LRBA: variants seen among roughly 807,000 people sequenced by gnomAD.
LRBA encodes LPS responsive beige-like anchor protein.
In LRBA, 176 loss-of-function variants were observed where a neutral mutation model predicts 330.0. The observed-to-expected ratio is 0.53, with a 90% CI of 0.47 to 0.60. The LOEUF (loss-of-function observed/expected upper bound fraction) is 0.60. Among genes scored for constraint, LRBA ranks in the 20% least tolerant of loss-of-function variants. The probability of loss-of-function intolerance (pLI) is 0.00; values close to 1 mark genes in which losing one functional copy is unlikely to be tolerated. For missense variants in LRBA, 3,259 were observed against 3,444.8 expected, an observed-to-expected ratio of 0.95 and a Z score of 1.35; for synonymous variants, 1,230 against 1,193.0, an observed-to-expected ratio of 1.03 and a Z score of -0.64.
intron 48 of LRBA, among the ~76,000 whole-genome samples, chr4:150,342,645 T>C (rs1257306420): frequency 6.6e-6 from 1 of 152,166 alleles, no homozygotes; most frequent in Non-Finnish European, 1.5e-5. Flanking sequence ...TAGTGCTCTT[T>C]TTATAGAGAG....
At chr4:150,976,515 T>C (rs933818105) in intron 2 of LRBA, among the ~76,000 whole-genome samples, 3 of 152,226 alleles carry the variant, frequency 2.0e-5, no homozygotes, top group Non-Finnish European at 4.4e-5. Context: ...ACTAATCTGT[T>C]ATTTAATCTA....
chr4:150,662,172 A>G (rs1460468154), intron 37 of LRBA, among the ~76,000 whole-genome samples: 1 of 152,232 alleles, frequency 6.6e-6, no homozygotes, highest in East Asian at 1.9e-4. Flanking sequence ...CTTTTCACAG[A>G]GGCTAATATT....
rs1375833613 is a variant in LRBA, at chr4:150,462,544, GAAGA to G, written c.6780+5125_6780+5128del. 2.0e-5 allele frequency among the ~76,000 whole-genome samples: 3 copies of G among 151,598 alleles called. No homozygotes were observed. In the East Asian group the frequency reaches 5.8e-4, roughly 29 times the overall value. On this transcript the variant is annotated intron_variant, in intron 44 of 56. Coordinates refer to ENST00000651943, the MANE Select transcript of LRBA (RefSeq NM_001364905.1). Reference sequence around the variant, plus strand: ...AAAAGAAGATCAGAAAAATAATACAGAAGAAAGGATGCTGATTACATTAATTCAG... The same window carrying G: ...AAAAGAAGATCAGAAAAATAATACAGAAGGATGCTGATTACATTAATTCAG...
At chr4:150,900,307 C>T (rs1730584333) in intron 13 of LRBA, 90 bp from the exon 14 acceptor site, 5 of 878,018 alleles carry the variant, frequency 5.7e-6, no homozygotes, top group Non-Finnish European at 8.7e-6. Flanking sequence ...TTTCACCACG[C>T]TTCTTCCAAA....
chr4:150,667,296 T>C (rs1781650478), intron 37 of LRBA, among the ~76,000 whole-genome samples: 1 of 152,154 alleles, frequency 6.6e-6, no homozygotes, highest in Non-Finnish European at 1.5e-5. Context: ...TTAACTTCGT[T>C]GGGCATGTAA....
intron 37 of LRBA, among the ~76,000 whole-genome samples, chr4:150,677,715 G>C (rs1261178342): frequency 4.0e-5 from 6 of 151,550 alleles, no homozygotes; most frequent in Non-Finnish European, 8.8e-5. Flanking sequence ...GAAGTGGGAG[G>C]ATTACTTGAG....
intron 37 of LRBA, among the ~76,000 whole-genome samples, chr4:150,622,489 A>G (rs1382137911): frequency 6.6e-6 from 1 of 152,158 alleles, no homozygotes; most frequent in Non-Finnish European, 1.5e-5. Context: ...GTGAGCTACA[A>G]TTGTGCCACT....
chr4:150,906,317 T>G lies in LRBA; in HGVS notation c.1582A>C (p.Ile528Leu). The change falls in exon 12 of 57, where the codon ATA becomes CTA. Residue 528 changes from isoleucine (I) to leucine (L), a missense_variant. Transcript: ENST00000651943. ...QMLACKGFLVIGYSLEKSSKS... is the reference protein window; with the variant it reads ...QMLACKGFLVLGYSLEKSSKS... ...TTTACCTTTTCAAGGCTATATCCTATTACCAAGAAGCCCTTACAGGCAAGC... is the reference window on the plus strand; with the variant it reads ...TTTACCTTTTCAAGGCTATATCCTAGTACCAAGAAGCCCTTACAGGCAAGC... The G allele has an allele frequency of 6.2e-7, 1 of 1,602,842 alleles. No individual in the cohort carries two copies. Among genetic ancestry groups the G allele is most frequent in the Non-Finnish European group, 8.5e-7 (1 of 1,170,384 alleles).
At chr4:150,553,542 G>T (rs1766895610) in intron 40 of LRBA, among the ~76,000 whole-genome samples, 1 of 152,042 alleles carries the variant, frequency 6.6e-6, no homozygotes, top group South Asian at 2.1e-4. Flanking sequence ...AGGGAAACTG[G>T]GTTGGGAACC....
At chr4:150,367,899 G>A (rs1270015635) in intron 47 of LRBA, among the ~76,000 whole-genome samples, 5 of 152,022 alleles carry the variant, frequency 3.3e-5, no homozygotes, top group South Asian at 4.2e-4. Flanking sequence ...CAACATAAAC[G>A]CATTTAAGAT....
At chr4:150,603,380 T>C (rs1482029727) in intron 37 of LRBA, among the ~76,000 whole-genome samples, 1 of 152,210 alleles carries the variant, frequency 6.6e-6, no homozygotes, top group Non-Finnish European at 1.5e-5. Flanking sequence ...TCTAATTATG[T>C]TTCTACTTTT....
intron 36 of LRBA, among the ~76,000 whole-genome samples, chr4:150,730,404 C>A (rs1035380747): frequency 6.6e-6 from 1 of 152,050 alleles, no homozygotes; most frequent in Non-Finnish European, 1.5e-5. Flanking sequence ...GTGTTCAGGC[C>A]GGGTGCAGTG....
chr4:150,453,832 T>C (rs1753689116), intron 44 of LRBA, among the ~76,000 whole-genome samples: 1 of 152,238 alleles, frequency 6.6e-6, no homozygotes, highest in Non-Finnish European at 1.5e-5. Flanking sequence ...CATTTAACAC[T>C]GACTAATCTT....
chr4:150,503,716 C>G (rs571118939), intron 40 of LRBA, among the ~76,000 whole-genome samples: 1 of 152,270 alleles, frequency 6.6e-6, no homozygotes, highest in South Asian at 2.1e-4. Context: ...CAGCTCCTCA[C>G]GAGCAACGGA....
rs183051948 is a variant in LRBA at position 150,643,977 on chromosome 4, A to G, written c.5921+39574T>C. 2.6e-5 allele frequency among the ~76,000 whole-genome samples: 4 copies of G among 152,022 alleles called. No individual in the cohort carries two copies. The East Asian group carries it at 7.7e-4, about 29-fold the overall frequency. ...AGCACTGATGCTCAGCACATTTCAG[A>G]TCATACTAATGTAGCTATAGATGAC... On this transcript the variant is annotated intron_variant, in intron 37 of 56. Coordinates refer to ENST00000651943, the MANE Select transcript of LRBA (RefSeq NM_001364905.1).
At chr4:150,892,768 A>G (rs1028169740) in intron 17 of LRBA, among the ~76,000 whole-genome samples, 1 of 152,242 alleles carries the variant, frequency 6.6e-6, no homozygotes, top group Admixed American at 6.5e-5. Flanking sequence ...TAATTCTGCT[A>G]AAGAAGTCAA....
chr4:150,389,353 C>CTAAATAAATAAATAAATAAA (rs555482145), intron 47 of LRBA, among the ~76,000 whole-genome samples: 6 of 150,270 alleles, frequency 4.0e-5, no homozygotes, highest in African/African-American at 1.5e-4. Context: ...GACTCAGTCT[C>CTAAATAAATAAATAAATAAA]TAAATAAATA....
At chr4:150,841,695 C>T (rs1241202458) in intron 28 of LRBA, among the ~76,000 whole-genome samples, 1 of 151,828 alleles carries the variant, frequency 6.6e-6, no homozygotes, top group Admixed American at 6.6e-5. Context: ...CTCTGTCGCC[C>T]AGGCTGGACT....
chr4:150,935,671 A>G (rs893248563), intron 2 of LRBA, among the ~76,000 whole-genome samples: 1 of 151,942 alleles, frequency 6.6e-6, no homozygotes, highest in African/African-American at 2.4e-5. Context: ...ATTCTATACA[A>G]AAAGAATACT....
Sources: allele counts gnomAD v4.1 joint callset (sites outside exome capture counted in the v4.1 genomes callset), GRCh38; gene constraint gnomAD v4.1.1; transcripts MANE v1.5; gene names NCBI Gene and HGNC (gene_info 2026-07-23, HGNC 2026-07-21).